UNK: variants seen among roughly 807,000 people sequenced by gnomAD.
The protein encoded by UNK is RING finger protein unkempt homolog.
UNK carries 32 observed loss-of-function variants against 97.6 expected under a neutral mutation model. That is an observed-to-expected ratio of 0.33 (90% CI 0.25 to 0.44). UNK has a LOEUF of 0.44. Among genes scored for constraint, UNK ranks in the 20% least tolerant of loss-of-function variants. UNK has a pLI of 1.00. For missense variants in UNK, 771 were observed against 1,098.4 expected (o/e 0.70, Z 4.21); for synonymous variants, 441 against 461.2 (o/e 0.96, Z 0.56).
intron 6 of UNK, 41 bp from the exon 7 acceptor site, chr17:75,815,128 C>G: frequency 6.3e-7 from 1 of 1,591,626 alleles, no homozygotes; most frequent in Non-Finnish European, 8.6e-7. Flanking sequence ...CCGGCCTTCC[C>G]TCAGGGCCTG....
intron 1 of UNK, chr17:75,793,985 T>A (rs754177577): frequency 3.0e-5 from 30 of 985,246 alleles, no homozygotes; most frequent in Non-Finnish European, 7.2e-6. Flanking sequence ...GTTTCTGATG[T>A]CACTTTTACT....
In UNK at chr17:75,816,321, C is replaced by T. The variant is rs533530972; in HGVS notation, c.962-449C>T. 5.9e-5 allele frequency among the ~76,000 whole-genome samples: 9 copies of T among 152,298 alleles called. No homozygotes were observed. Among genetic ancestry groups the T allele is most frequent in the South Asian group, 2.1e-4 (1 of 4,828 alleles). ...TCTGAGATGAGAATGGAAAATAAAT[C>T]GAGGGCCCTGGGCGGGAGAAGCATA... On this transcript the variant is annotated intron_variant, in intron 7 of 15. Transcript: ENST00000589666. This position sits in a 1 kb window ranked among gnomAD's most constrained non-coding sequence, Gnocchi z 4.0.
chr17:75,805,349 T>C (rs1204229862), intron 1 of UNK, among the ~76,000 whole-genome samples: 2 of 145,804 alleles, frequency 1.4e-5, no homozygotes, highest in Non-Finnish European at 3.0e-5. Flanking sequence ...AGTGAGCTAT[T>C]GCGCCACTGC....
Position 75,819,576 on chromosome 17 carries a change from A to G in UNK, c.1547-108A>G. 9.9e-7 allele frequency: 1 copy of G among 1,012,444 alleles called. No homozygotes were observed. The allele number at this position is 1,012,444 out of a possible 1,614,324, so 62.7% of individuals were successfully genotyped here. On this transcript the variant is annotated intron_variant, in intron 11 of 15. Transcript: ENST00000589666. The surrounding 1 kb of genome is among the most constrained non-coding windows in gnomAD (Gnocchi z 5.4). Reference sequence around the variant, plus strand: ...GAAGGGCACAGGGGCTTGGGAGAATACGGACCCAGCGTAGCATGGGCGTGA... The same window carrying G: ...GAAGGGCACAGGGGCTTGGGAGAATGCGGACCCAGCGTAGCATGGGCGTGA...
Position 75,816,181 on chromosome 17 carries a change from G to C in UNK, c.962-589G>C, listed in dbSNP as rs1439724549. Among the ~76,000 whole-genome samples the C allele has an allele frequency of 6.6e-6, 1 of 152,156 alleles. No homozygotes were observed. The highest frequency in any genetic ancestry group is 1.5e-5 in the Non-Finnish European group (1 of 68,026). ...GGGTCTGGATCCTCAGCATGATACT[G>C]TAGGCCGCCACCAGTCTCAGAGACA... On this transcript the variant is annotated intron_variant, in intron 7 of 15. Transcript: ENST00000589666. The surrounding 1 kb of genome is among the most constrained non-coding windows in gnomAD (Gnocchi z 4.0).
intron 6 of UNK, 98 bp downstream of exon 6, chr17:75,813,976 C>T: frequency 9.1e-7 from 1 of 1,102,050 alleles, no homozygotes; most frequent in Non-Finnish European, 1.3e-6. Context: ...CTGATGCCAT[C>T]CTGGAAGAGG....
intron 13 of UNK, chr17:75,821,840 G>T (rs2143829209): frequency 2.4e-6 from 1 of 413,208 alleles, no homozygotes; most frequent in East Asian, 7.1e-5. Context: ...GTGGGTGGGA[G>T]GCTGTGCACG....
chr17:75,821,458 G>A (rs763374597), intron 13 of UNK: 1 of 444,552 alleles, frequency 2.2e-6, no homozygotes, highest in Non-Finnish European at 4.6e-6. Context: ...AGATGGGTGG[G>A]ACAGGAGAGC....
chr17:75,791,699 A>G (rs886990452), intron 1 of UNK: 13 of 972,994 alleles, frequency 1.3e-5, no homozygotes, highest in Middle Eastern at 5.3e-4. Context: ...GATATTTGCT[A>G]TTATCTAAAT....
chr17:75,792,700 T>C (rs890894595), intron 1 of UNK: 5 of 160,382 alleles, frequency 3.1e-5, no homozygotes, highest in African/African-American at 1.2e-4. Flanking sequence ...AGGTACAGGG[T>C]GATTTTGGGA....
intron 14 of UNK, among the ~76,000 whole-genome samples, 189 bp downstream of exon 14, chr17:75,822,847 G>A (rs2062081590): frequency 6.6e-6 from 1 of 152,246 alleles, no homozygotes; most frequent in Non-Finnish European, 1.5e-5. Context: ...GGTGGTTACT[G>A]TTGTTGCAGG....
At chr17:75,811,832 C>G (rs1244059992) in intron 2 of UNK, among the ~76,000 whole-genome samples, 2 of 152,212 alleles carry the variant, frequency 1.3e-5, no homozygotes, top group African/African-American at 4.8e-5. Flanking sequence ...ACTAAAAATA[C>G]AAAAATTAGC....
At position 75,817,967 on chromosome 17, in the gene UNK, G is replaced by T; in HGVS notation, c.1306-136G>T. The T allele has an allele frequency of 1.3e-6, 1 of 791,070 alleles. No individual in the cohort carries two copies. Among genetic ancestry groups the T allele is most frequent in the Non-Finnish European group, 2.1e-6 (1 of 477,400 alleles). The allele number at this position is 791,070 out of a possible 1,614,324, so 49.0% of individuals were successfully genotyped here. A position where few individuals can be genotyped will look rare whatever the true frequency, so the allele number is the denominator to read the frequency against. On this transcript the variant is annotated intron_variant, in intron 9 of 15. Coordinates refer to ENST00000589666, the MANE Select transcript of UNK (RefSeq NM_001080419.3). This position sits in a 1 kb window ranked among gnomAD's most constrained non-coding sequence, Gnocchi z 5.8. The stretch of plus-strand genomic sequence containing the variant: ...GGAGTAGGGGGTGGGGAGGAAGAAG[G>T]GGGTGTGTGCATGCATGTGAAGAGG...
chr17:75,812,032 T>A lies in UNK; in HGVS notation c.315-80T>A. The A allele has an allele frequency of 4.9e-6, 7 of 1,437,198 alleles. No homozygotes were observed. The South Asian group carries it at 1.0e-4, about 21-fold the overall frequency. The allele number at this position is 1,437,198 out of a possible 1,614,324, so 89.0% of individuals were successfully genotyped here. On this transcript the variant is annotated intron_variant, in intron 2 of 15. Transcript: ENST00000589666. Reference sequence around the variant, plus strand: ...ACAACAACAACAACAACAAAAACAGTTGGGGTAAGGGCAGGGGGTAGGCAG... The same window carrying A: ...ACAACAACAACAACAACAAAAACAGATGGGGTAAGGGCAGGGGGTAGGCAG...
chr17:75,806,102 C>T (rs990483904), intron 1 of UNK, among the ~76,000 whole-genome samples: 2 of 68,476 alleles, frequency 2.9e-5, no homozygotes, highest in South Asian at 1.0e-3. Flanking sequence ...GACTCCGTCT[C>T]AAAAAAAAAA....
Position 75,824,870 on chromosome 17 carries a change from A to T in UNK, c.*453A>T, listed in dbSNP as rs1301454600. On this transcript the variant is annotated 3_prime_UTR_variant, in exon 16 of 16. Coordinates refer to ENST00000589666, the MANE Select transcript of UNK (RefSeq NM_001080419.3). The surrounding 1 kb of genome is among the most constrained non-coding windows in gnomAD (Gnocchi z 4.9). Reference sequence around the variant, plus strand: ...GGAAGGGTGGGACTGGAAGGCACTAAGGGGAAGGGAGAAGCCCTCAGGGCA... The same window carrying T: ...GGAAGGGTGGGACTGGAAGGCACTATGGGGAAGGGAGAAGCCCTCAGGGCA... The T allele has an allele frequency of 6.6e-6, 1 of 152,210 alleles. No homozygotes were observed. Among genetic ancestry groups the T allele is most frequent in the Non-Finnish European group, 1.5e-5 (1 of 68,012 alleles). The allele number at this position is 152,210 out of a possible 1,614,324, so 9.4% of individuals were successfully genotyped here.
rs751460711 is a variant in UNK, at chr17:75,818,725, C to T, written c.1455C>T (p.Pro485=). The part of the protein sequence containing the change: ...SSITSSLAAT[P]PSPVGTSSVP... Reference sequence around the variant, plus strand: ...TCACCTCCAGCCTGGCAGCTACCCCCCCTAGCCCAGTGGGCACCAGCAGCG... The same window carrying T: ...TCACCTCCAGCCTGGCAGCTACCCCTCCTAGCCCAGTGGGCACCAGCAGCG... Residue 485 remains proline, a synonymous_variant, in exon 11 of 16, where the codon CCC becomes CCT. Transcript: ENST00000589666. The surrounding 1 kb of genome is among the most constrained non-coding windows in gnomAD (Gnocchi z 5.1). 2 of 1,613,252 alleles carry T rather than the reference C, an allele frequency of 1.2e-6. No individual in the cohort carries two copies. Among genetic ancestry groups the T allele is most frequent in the Non-Finnish European group, 1.7e-6 (2 of 1,179,634 alleles).
In UNK at chr17:75,794,117, C is replaced by G. The variant is rs148396870; in HGVS notation, c.104+9133C>G. On this transcript the variant is annotated intron_variant, in intron 1 of 15. Coordinates refer to ENST00000589666, the MANE Select transcript of UNK (RefSeq NM_001080419.3). ...TTCCTGATTAAAAACAAAGTAACGT[C>G]TGTTTTACTATTGAAGTAAGAGTAC... is the stretch of plus-strand genomic sequence containing the variant. The G allele has an allele frequency of 3.7e-5, 36 of 980,506 alleles. No individual in the cohort carries two copies. The African/African-American group carries it at 5.6e-4, about 15-fold the overall frequency. The allele number at this position is 980,506 out of a possible 1,614,324, so 60.7% of individuals were successfully genotyped here.
At chr17:75,790,479 A>G (rs942242280) in intron 1 of UNK, among the ~76,000 whole-genome samples, 1 of 151,894 alleles carries the variant, frequency 6.6e-6, no homozygotes, top group African/African-American at 2.4e-5. Context: ...AAAAATTAAA[A>G]AAACGAGCCT....
Sources: allele counts gnomAD v4.1 joint callset (sites outside exome capture counted in the v4.1 genomes callset), GRCh38; gene constraint gnomAD v4.1.1; non-coding constraint Gnocchi (gnomAD v3.1); transcripts MANE v1.5; gene names NCBI Gene and HGNC (gene_info 2026-07-23, HGNC 2026-07-21).